Variants in STXBP4 observed in about 807,000 individuals in gnomAD.
STXBP4 encodes the protein syntaxin binding protein 4.
STXBP4 carries 55 observed loss-of-function variants against 76.1 expected under a neutral mutation model. The ratio of observed to expected loss-of-function variants is 0.72; its 90% confidence interval spans 0.58 to 0.91. The LOEUF is 0.91. Ranked by LOEUF, STXBP4 falls within the 40% of genes least tolerant of loss-of-function variation. The pLI, the probability that STXBP4 is intolerant of heterozygous loss-of-function variation, is 0.00. For missense variants in STXBP4, 618 were observed against 636.9 expected, an observed-to-expected ratio of 0.97 and a Z score of 0.32; for synonymous variants, 201 against 220.2, an observed-to-expected ratio of 0.91 and a Z score of 0.77.
At chr17:55,001,030 G>A (rs564492937) in intron 7 of STXBP4, 147 bp downstream of exon 7, 4 of 565,668 alleles carry the variant, frequency 7.1e-6, no homozygotes, top group South Asian at 2.6e-5. Context: ...ATGTCTTTCC[G>A]TTGGGCCCTG....
chr17:55,124,766 T>C (rs550998855), intron 16 of STXBP4, among the ~76,000 whole-genome samples: 17 of 152,366 alleles, frequency 1.1e-4, no homozygotes, highest in Non-Finnish European at 1.5e-4. Context: ...CTCACAATTC[T>C]GGAGACTAGA....
chr17:55,184,524 T>C, the STXBP4 span, among the ~76,000 whole-genome samples: 1 of 152,362 alleles, frequency 6.6e-6, no homozygotes, highest in Non-Finnish European at 1.5e-5. Context: ...ATTCCTTTCG[T>C]GTGCTTTTAA....
the STXBP4 span, among the ~76,000 whole-genome samples, chr17:55,187,732 G>A: frequency 6.6e-6 from 1 of 152,190 alleles, no homozygotes; most frequent in Non-Finnish European, 1.5e-5. Context: ...CGGGATGGCT[G>A]TGAGGGAGAT....
At chr17:55,136,872 C>G (rs894243782) in intron 16 of STXBP4, among the ~76,000 whole-genome samples, 1 of 152,086 alleles carries the variant, frequency 6.6e-6, no homozygotes, top group Non-Finnish European at 1.5e-5. Context: ...TAAACACTTT[C>G]CTATGTTAGG....
Position 55,021,625 on chromosome 17 carries a change from C to T in STXBP4, c.667-9543C>T, listed in dbSNP as rs372311797. 2.9e-4 allele frequency among the ~76,000 whole-genome samples: 44 copies of T among 152,068 alleles called. 1 individual carries two copies. Among genetic ancestry groups the T allele is most frequent in the Middle Eastern group, 6.8e-3 (2 of 294 alleles). ...TTCTTCATAAATTTTGGTATCACTC[C>T]CTCTCCTAAGCCGACCCAAGCATTT... On this transcript the variant is annotated intron_variant, in intron 8 of 17. Coordinates refer to ENST00000376352, the MANE Select transcript of STXBP4 (RefSeq NM_178509.6).
rs189984217 is a variant in STXBP4, at chr17:55,141,403, C to T, written c.1547+36C>T. On this transcript the variant is annotated intron_variant, in intron 17 of 17. Coordinates refer to ENST00000376352, the MANE Select transcript of STXBP4 (RefSeq NM_178509.6). ...GCATCTCAACCAAGTAAGCAATTTT[C>T]TTCACATCTGGAGAGAACCTGGAAG... is the stretch of plus-strand genomic sequence containing the variant. 3.7e-3 allele frequency: 5,849 copies of T among 1,578,498 alleles called. 28 individuals are homozygous for T. Among genetic ancestry groups the T allele is most frequent in the Non-Finnish European group, 3.6e-3 (4,126 of 1,154,740 alleles).
At chr17:55,143,407 A>G (rs1482350511) in intron 17 of STXBP4, among the ~76,000 whole-genome samples, 1 of 152,230 alleles carries the variant, frequency 6.6e-6, no homozygotes, top group Non-Finnish European at 1.5e-5. Flanking sequence ...GCTGTCTGTC[A>G]GTATATCCTA....
chr17:55,017,238 TTCTCTCCTCTCTGCCTCTGTC>T (rs1393706703), intron 8 of STXBP4, among the ~76,000 whole-genome samples: 1 of 152,166 alleles, frequency 6.6e-6, no homozygotes, highest in Admixed American at 6.5e-5. Context: ...CTCTGCCTGT[TTCTCTCCTCTCTGCCTCTGTC>T]TCTCTCCTCT....
At chr17:55,148,121 A>C (rs907092288) in intron 17 of STXBP4, among the ~76,000 whole-genome samples, 1 of 152,226 alleles carries the variant, frequency 6.6e-6, no homozygotes, top group Non-Finnish European at 1.5e-5. Flanking sequence ...ACTAAGTTCT[A>C]ATACGCATGG....
intron 3 of STXBP4, among the ~76,000 whole-genome samples, chr17:54,990,387 T>C (rs1262862181): frequency 6.6e-6 from 1 of 152,130 alleles, no homozygotes; most frequent in Non-Finnish European, 1.5e-5. Context: ...CATAGGAGCA[T>C]GAACCCTATT....
At chr17:55,128,925 CTT>C (rs35073950) in intron 16 of STXBP4, among the ~76,000 whole-genome samples, 16,819 of 85,164 alleles carry the variant, frequency 0.2, 732 homozygotes, top group Non-Finnish European at 0.26. Flanking sequence ...TGTAAGGATT[CTT>C]TTTTTTTTTT....
At position 55,041,189 on chromosome 17, in the gene STXBP4, T is replaced by A. The variant is rs942110275; in HGVS notation, c.856-2047T>A. On this transcript the variant is annotated intron_variant, in intron 10 of 17. Transcript: ENST00000376352. ...AAATCCCAATCCTAGTTTCTCTTAA[T>A]AAATTATTTTAGCTCTGGTATCTAA... 2.8e-4 allele frequency among the ~76,000 whole-genome samples: 43 copies of A among 151,876 alleles called. 1 individual carries two copies. Among genetic ancestry groups the A allele is most frequent in the Middle Eastern group, 6.8e-3 (2 of 292 alleles).
At chr17:55,081,288 T>G (rs2079252205) in intron 16 of STXBP4, 105 bp downstream of exon 16, 1 of 781,220 alleles carries the variant, frequency 1.3e-6, no homozygotes, top group Admixed American at 4.3e-5. Flanking sequence ...ACAGCAAAGT[T>G]GATACCTAAT....
chr17:55,068,105 G>A (rs1321567186), intron 12 of STXBP4, among the ~76,000 whole-genome samples: 1 of 152,032 alleles, frequency 6.6e-6, no homozygotes, highest in Admixed American at 6.6e-5. Flanking sequence ...ATAAGTCAAG[G>A]AAACTAGATA....
Position 55,047,096 on chromosome 17 carries a change from T to G in STXBP4, c.953T>G (p.Leu318Ter), listed in dbSNP as rs780921200. The G allele has an allele frequency of 5.0e-6, 8 of 1,601,952 alleles. No individual in the cohort carries two copies. Residue 318 changes from leucine to a stop codon, truncating the protein, a stop_gained, in exon 12 of 18, where the codon TTA becomes TGA. Transcript: ENST00000376352. LOFTEE classifies it high-confidence loss of function. ...GGTGGTTTTTAAATATAGGAAAAAT[T>G]ATTGGAATCAGATAAGCAAAGGAAA... ...LKEVNTLKEKLLESDKQRKQL... is the reference protein window; with the variant it reads ...LKEVNTLKEK
chr17:55,134,180 G>C (rs949431857), intron 16 of STXBP4, among the ~76,000 whole-genome samples: 16 of 152,014 alleles, frequency 1.1e-4, no homozygotes, highest in Admixed American at 2.0e-4. Context: ...TGTGTGAATA[G>C]TTGGTGGATG....
At chr17:55,141,562 G>C (rs2080094820) in intron 17 of STXBP4, among the ~76,000 whole-genome samples, 195 bp downstream of exon 17, 1 of 152,024 alleles carries the variant, frequency 6.6e-6, no homozygotes, top group East Asian at 1.9e-4. Context: ...GAAAAAACCT[G>C]GTAATAATTT....
At chr17:55,049,992 CT>C (rs548131173) in intron 12 of STXBP4, among the ~76,000 whole-genome samples, 31 of 152,044 alleles carry the variant, frequency 2.0e-4, no homozygotes, top group Admixed American at 1.8e-3. Flanking sequence ...TTTCCAAATT[CT>C]TTTCATGAAG....
intron 12 of STXBP4, among the ~76,000 whole-genome samples, chr17:55,071,964 T>A (rs1236109086): frequency 1.3e-5 from 2 of 152,246 alleles, no homozygotes; most frequent in Non-Finnish European, 2.9e-5. Context: ...ATTGGTGTCC[T>A]GGGGGACTGT....
Sources: gnomAD v4.1 joint callset for allele counts (sites outside exome capture counted in the v4.1 genomes callset) on GRCh38, gnomAD v4.1.1 for gene constraint, MANE v1.5 for transcripts, NCBI Gene and HGNC (gene_info 2026-07-23, HGNC 2026-07-21) for gene names.